The following DACH1 variants were observed in gnomAD, a reference collection of about 807,000 sequenced individuals.
The protein encoded by DACH1 is dachshund family transcription factor 1, also known as dachshund homolog 1.
A neutral mutation model predicts 54.2 loss-of-function variants in DACH1; 12 were observed. The ratio of observed to expected loss-of-function variants is 0.22; its 90% confidence interval spans 0.14 to 0.36. The LOEUF is 0.36. Among genes scored for constraint, DACH1 ranks in the 10% least tolerant of loss-of-function variants. The pLI, the probability that DACH1 is intolerant of heterozygous loss-of-function variation, is 1.00. For missense variants in DACH1, 805 were observed against 929.8 expected (o/e 0.87, Z 1.75); for synonymous variants, 386 against 366.2 (o/e 1.05, Z -0.62).
chr13:71,626,089 C>A (rs372307930), intron 3 of DACH1, among the ~76,000 whole-genome samples: 68 of 151,970 alleles, frequency 4.5e-4, no homozygotes, highest in African/African-American at 1.5e-3. Flanking sequence ...AAAATGCAGT[C>A]TTTTCCTGCC....
At chr13:71,580,273 T>C (rs1437413500) in intron 3 of DACH1, among the ~76,000 whole-genome samples, 1 of 152,216 alleles carries the variant, frequency 6.6e-6, no homozygotes, top group Non-Finnish European at 1.5e-5. Context: ...TATTGCCATG[T>C]TAATGAATTT....
intron 1 of DACH1, among the ~76,000 whole-genome samples, chr13:71,797,861 C>T (rs1465274528): frequency 1.3e-5 from 2 of 152,088 alleles, no homozygotes; most frequent in African/African-American, 4.8e-5. Context: ...ATGTCAATAG[C>T]AGCATCCTAC....
chr13:71,675,870 A>T (rs1249269217), intron 2 of DACH1, among the ~76,000 whole-genome samples: 1 of 152,192 alleles, frequency 6.6e-6, no homozygotes, highest in African/African-American at 2.4e-5. Context: ...CATTTTTATC[A>T]TACAGTAGAT....
chr13:71,760,214 T>G (rs1300491580), intron 1 of DACH1, among the ~76,000 whole-genome samples: 1 of 152,190 alleles, frequency 6.6e-6, no homozygotes, highest in Admixed American at 6.5e-5. Context: ...GATTTGCTCG[T>G]GGTGACAAAA....
chr13:71,733,510 C>T (rs748092284), intron 1 of DACH1, among the ~76,000 whole-genome samples: 18 of 152,032 alleles, frequency 1.2e-4, no homozygotes, highest in African/African-American at 4.1e-4. Context: ...ATTTATTCTT[C>T]GGACCCACTT....
At chr13:71,681,462 C>T (rs537868575) in intron 2 of DACH1, among the ~76,000 whole-genome samples, 7 of 152,260 alleles carry the variant, frequency 4.6e-5, no homozygotes, top group African/African-American at 1.7e-4. Context: ...CTGACAGCTA[C>T]AGCTGAGTGA....
At chr13:71,678,185 A>T (rs1880683491) in intron 2 of DACH1, among the ~76,000 whole-genome samples, 1 of 152,198 alleles carries the variant, frequency 6.6e-6, no homozygotes, top group Non-Finnish European at 1.5e-5. Flanking sequence ...AGTCTATATG[A>T]TCATATTTAG....
intron 3 of DACH1, among the ~76,000 whole-genome samples, chr13:71,589,420 A>G (rs1873528829): frequency 6.6e-6 from 1 of 152,010 alleles, no homozygotes; most frequent in African/African-American, 2.4e-5. Flanking sequence ...AATACCACAG[A>G]GATTATTTCT....
intron 1 of DACH1, among the ~76,000 whole-genome samples, chr13:71,865,412 C>G (rs890940249): frequency 6.6e-6 from 1 of 152,180 alleles, no homozygotes; most frequent in East Asian, 1.9e-4. Context: ...TCCCCGCTCC[C>G]CGAGCCCTGC....
chr13:71,589,150 T>C (rs1003235419), intron 3 of DACH1, among the ~76,000 whole-genome samples: 1 of 152,072 alleles, frequency 6.6e-6, no homozygotes, highest in Non-Finnish European at 1.5e-5. Context: ...TCAAGAAAGC[T>C]GCTTTTAGTT....
chr13:71,444,455 A>G (rs1874271985), intron 10 of DACH1, among the ~76,000 whole-genome samples: 1 of 152,120 alleles, frequency 6.6e-6, no homozygotes, highest in South Asian at 2.1e-4. Flanking sequence ...AAACAGAGGG[A>G]ACCGAGACCT....
At chr13:71,690,545 G>A (rs1831799013) in intron 1 of DACH1, among the ~76,000 whole-genome samples, 1 of 152,136 alleles carries the variant, frequency 6.6e-6, no homozygotes, top group Non-Finnish European at 1.5e-5. Context: ...CCTTCTTAAA[G>A]TTTGGGAAAA....
At chr13:71,828,925 C>A (rs1429988117) in intron 1 of DACH1, among the ~76,000 whole-genome samples, 2 of 152,048 alleles carry the variant, frequency 1.3e-5, no homozygotes, top group Non-Finnish European at 2.9e-5. Context: ...TTTCTACTTT[C>A]TTCCTCCTCA....
chr13:71,528,179 C>A (rs80351357), intron 6 of DACH1, among the ~76,000 whole-genome samples: 1 of 151,992 alleles, frequency 6.6e-6, no homozygotes, highest in Non-Finnish European at 1.5e-5. Context: ...AGATGACACA[C>A]CGTATATACC....
intron 1 of DACH1, among the ~76,000 whole-genome samples, chr13:71,766,408 G>A (rs77618716): frequency 0.011 from 1,652 of 152,178 alleles, 30 homozygotes; most frequent in African/African-American, 0.037. Context: ...AAGCAACCCA[G>A]TTTTTTCTAA....
intron 1 of DACH1, among the ~76,000 whole-genome samples, chr13:71,791,492 T>G (rs1886831452): frequency 6.6e-6 from 1 of 152,120 alleles, no homozygotes; most frequent in Non-Finnish European, 1.5e-5. Flanking sequence ...GTGATTCTCC[T>G]GTCTCAGCTT....
intron 1 of DACH1, among the ~76,000 whole-genome samples, chr13:71,810,909 T>C (rs1887683091): frequency 1.3e-5 from 2 of 152,174 alleles, no homozygotes; most frequent in Non-Finnish European, 2.9e-5. Context: ...TAATCTGCAA[T>C]GGCTCTTGTA....
chr13:71,857,635 T>C (rs959174745), intron 1 of DACH1, among the ~76,000 whole-genome samples: 1 of 151,722 alleles, frequency 6.6e-6, no homozygotes, highest in Non-Finnish European at 1.5e-5. Flanking sequence ...TTACACTTGT[T>C]GCACACACAA....
At chr13:71,496,731 T>A (rs1488862263) in intron 6 of DACH1, among the ~76,000 whole-genome samples, 1 of 152,038 alleles carries the variant, frequency 6.6e-6, no homozygotes, top group Non-Finnish European at 1.5e-5. Flanking sequence ...GGAGAAAAAA[T>A]TATCAGGTAA....
Sources: gnomAD v4.1 joint callset for allele counts (sites outside exome capture counted in the v4.1 genomes callset) on GRCh38, gnomAD v4.1.1 for gene constraint, MANE v1.5 for transcripts, NCBI Gene and HGNC (gene_info 2026-07-23, HGNC 2026-07-21) for gene names.